TJP1: variants seen among roughly 807,000 people sequenced by gnomAD.
TJP1 encodes tight junction protein ZO-1.
Under a neutral mutation model 194.2 loss-of-function variants are expected in TJP1, and 43 were observed. The observed-to-expected ratio is 0.22, with a 90% CI of 0.17 to 0.29. The LOEUF (loss-of-function observed/expected upper bound fraction) is 0.29, where lower values mean the gene tolerates loss of function less well. Among genes scored for constraint, TJP1 ranks in the 10% least tolerant of loss-of-function variants. TJP1 has a pLI of 1.00. For synonymous variants in TJP1, 801 were observed against 779.0 expected (o/e 1.03, Z -0.47); for missense variants, 1,971 against 2,185.7 (o/e 0.90, Z 1.96).
At chr15:29,793,688 G>A (rs1292422661) in intron 2 of TJP1, among the ~76,000 whole-genome samples, 1 of 152,066 alleles carries the variant, frequency 6.6e-6, no homozygotes. Context: ...GGGGAGATGG[G>A]GCTAAACCAT....
intron 22 of TJP1, among the ~76,000 whole-genome samples, chr15:29,717,663 T>C (rs553346611): frequency 6.6e-6 from 1 of 152,358 alleles, no homozygotes; most frequent in South Asian, 2.1e-4. Flanking sequence ...TCTTAACCAA[T>C]CTGAGTCTGT....
At chr15:29,763,005 T>G (rs1389422905) in intron 5 of TJP1, among the ~76,000 whole-genome samples, 2 of 152,188 alleles carry the variant, frequency 1.3e-5, no homozygotes, top group Non-Finnish European at 2.9e-5. Context: ...ACTTCTATTT[T>G]TCCCAGCTCC....
At chr15:29,926,574 T>C (rs1218037423) in intron 2 of TJP1, among the ~76,000 whole-genome samples, 3 of 150,752 alleles carry the variant, frequency 2.0e-5, no homozygotes, top group Admixed American at 2.0e-4. Context: ...ACTGCGCCAT[T>C]GCACTCCAGC....
In TJP1 at chr15:29,829,638, A is replaced by G. The variant is rs142772493; in HGVS notation, c.307-28936T>C. Among the ~76,000 whole-genome samples the G allele has an allele frequency of 0.011, 9 of 836 alleles. No individual in the cohort carries two copies. In the Non-Finnish European group the frequency reaches 0.18, roughly 17 times the overall value. The allele number at this position is 836 out of a possible 152,430, so 0.5% of individuals were successfully genotyped here. On this transcript the variant is annotated intron_variant, in intron 2 of 28. Transcript: ENST00000356107. The stretch of plus-strand genomic sequence containing the variant: ...CCAAATTCATTGCCTTAAAAAAAAG[A>G]AAAAAAAAAAAAAAGATTTCTTAAA...
chr15:29,966,209 A>G (rs1380169644), intron 1 of TJP1, among the ~76,000 whole-genome samples: 1 of 152,158 alleles, frequency 6.6e-6, no homozygotes, highest in Non-Finnish European at 1.5e-5. Context: ...CCACATCTTG[A>G]TTTTTAAACT....
At chr15:29,780,824 TAA>T (rs2047324129) in intron 2 of TJP1, among the ~76,000 whole-genome samples, 2 of 151,864 alleles carry the variant, frequency 1.3e-5, no homozygotes, top group Admixed American at 1.3e-4. Flanking sequence ...AAAAACATCT[TAA>T]GAGAAAAAGT....
chr15:29,758,564 C>T (rs998432141), intron 8 of TJP1, among the ~76,000 whole-genome samples: 1 of 152,172 alleles, frequency 6.6e-6, no homozygotes, highest in African/African-American at 2.4e-5. Flanking sequence ...AATGGCCCAA[C>T]ATTTGAGATT....
chr15:29,856,245 T>TA (rs1333340396), intron 2 of TJP1, among the ~76,000 whole-genome samples: 3 of 151,284 alleles, frequency 2.0e-5, no homozygotes, highest in Middle Eastern at 3.4e-3. Context: ...CCTGTCACTT[T>TA]AAAAAAAAAT....
At chr15:29,705,178 C>T (rs2041815434) in intron 26 of TJP1, among the ~76,000 whole-genome samples, 1 of 152,240 alleles carries the variant, frequency 6.6e-6, no homozygotes, top group Non-Finnish European at 1.5e-5. Flanking sequence ...CAAAGCCTTT[C>T]TGAGTGGGTG....
At position 29,822,206 on chromosome 15, in the gene TJP1, G is replaced by C; in HGVS notation, c.-178C>G. On this transcript the variant is annotated 5_prime_UTR_variant, in exon 1 of 28. Coordinates refer to ENST00000614355, the MANE Select transcript of TJP1 (RefSeq NM_001330239.4). ...GGAATTCAACTCGGACAAAAGTCCG[G>C]GAAGCGCCCGCCCCGCCCGGGTCTT... is the stretch of plus-strand genomic sequence containing the variant. 2 of 1,179,122 alleles carry C rather than the reference G, an allele frequency of 1.7e-6. No individual in the cohort carries two copies. Among genetic ancestry groups the C allele is most frequent in the South Asian group, 4.3e-5 (1 of 23,022 alleles). 73.0% of individuals were successfully genotyped at this position (1,179,122 alleles called of 1,614,324 possible). A position where few individuals can be genotyped will look rare whatever the true frequency, so the allele number is the denominator to read the frequency against.
intron 2 of TJP1, among the ~76,000 whole-genome samples, chr15:29,858,261 T>C (rs1470526742): frequency 6.6e-6 from 1 of 151,944 alleles, no homozygotes; most frequent in African/African-American, 2.4e-5. Context: ...ATTAGCCAGA[T>C]GTGGTGGTGC....
At chr15:29,732,950 G>A (rs2043764473) in intron 13 of TJP1, 135 bp from the exon 14 acceptor site, 5 of 1,246,176 alleles carry the variant, frequency 4.0e-6, no homozygotes, top group South Asian at 1.6e-5. Context: ...TAATAAAGAG[G>A]AGTTTGTAAA....
chr15:29,797,158 T>C (rs1471615127), intron 2 of TJP1, among the ~76,000 whole-genome samples: 3 of 152,206 alleles, frequency 2.0e-5, no homozygotes, highest in Non-Finnish European at 4.4e-5. Context: ...TTTTTCTTTC[T>C]TTCCTTTTGA....
In TJP1 at chr15:29,719,982, G is replaced by A. The variant is rs768465018; in HGVS notation, c.2798C>T (p.Ser933Leu). 16 of 1,614,012 alleles carry A rather than the reference G, an allele frequency of 9.9e-6. No individual in the cohort carries two copies. Among genetic ancestry groups the A allele is most frequent in the East Asian group, 6.7e-5 (3 of 44,878 alleles). ...TGATGATGCTGGGTTTGTTTCAGGC[G>A]AAAGGTAAGGGACTGGAGATGAAGC... ...AEASSPVPYLSPETNPASSTS... is the reference protein window; with the variant it reads ...AEASSPVPYLLPETNPASSTS... Residue 933 changes from serine to leucine, a missense_variant, in exon 20 of 28, where the codon TCG becomes TTG. Transcript: ENST00000614355.
intron 2 of TJP1, among the ~76,000 whole-genome samples, chr15:29,882,877 TC>T (rs1255536714): frequency 6.6e-6 from 1 of 152,198 alleles, no homozygotes; most frequent in African/African-American, 2.4e-5. Flanking sequence ...AGCGATGGCT[TC>T]CCTGCTCTGG....
chr15:29,805,178 A>C (rs1301336649), intron 1 of TJP1, among the ~76,000 whole-genome samples: 2 of 152,184 alleles, frequency 1.3e-5, no homozygotes, highest in Non-Finnish European at 2.9e-5. Flanking sequence ...ATTTCTGAAG[A>C]AGCAAAAAGC....
rs138868801 is a variant in TJP1 at position 29,963,884 on chromosome 15, C to T, written c.173+4783G>A. Among the ~76,000 whole-genome samples, 359 of 152,268 alleles carry T rather than the reference C, an allele frequency of 2.4e-3. 1 individual carries two copies. Among genetic ancestry groups the T allele is most frequent in the Middle Eastern group, 6.8e-3 (2 of 294 alleles). On this transcript the variant is annotated intron_variant, in intron 1 of 28. Coordinates refer to the TJP1 transcript ENST00000356107. ...GGCCAGGATGGTCTCGATCTCTTGA[C>T]CTTGTAATCTGCCCGCCTCAGCCTT...
chr15:29,783,111 T>A lies in TJP1; in HGVS notation c.85-9754A>T, dbSNP rs183455166. 1.8e-3 allele frequency among the ~76,000 whole-genome samples: 270 copies of A among 152,032 alleles called. 2 individuals carry two copies. The highest frequency in any genetic ancestry group is 6.3e-3 in the African/African-American group (261 of 41,490). On this transcript the variant is annotated intron_variant, in intron 2 of 27. Coordinates refer to ENST00000614355, the MANE Select transcript of TJP1 (RefSeq NM_001330239.4). ...TAACATGGGGAAGCCCCATCTCTAC[T>A]AAAAGTACAAAAATTAGCCAGGCGT... is the stretch of plus-strand genomic sequence containing the variant.
intron 2 of TJP1, among the ~76,000 whole-genome samples, chr15:29,904,435 T>C (rs1294202475): frequency 6.6e-6 from 1 of 152,066 alleles, no homozygotes; most frequent in Non-Finnish European, 1.5e-5. Context: ...AGATCTGGAT[T>C]GCAGAGGAAG....
Sources: gnomAD v4.1 joint callset for allele counts (sites outside exome capture counted in the v4.1 genomes callset) on GRCh38, gnomAD v4.1.1 for gene constraint, MANE v1.5 for transcripts, NCBI Gene and HGNC (gene_info 2026-07-23, HGNC 2026-07-21) for gene names.